The following ACACB variants were observed in gnomAD, a reference collection of about 807,000 sequenced individuals.
ACACB encodes the protein acetyl-CoA carboxylase beta, also known as acetyl-CoA carboxylase 2.
In ACACB, 209 loss-of-function variants were observed where a neutral mutation model predicts 278.8. The observed-to-expected ratio is 0.75, with a 90% confidence interval of 0.67 to 0.84. The LOEUF (loss-of-function observed/expected upper bound fraction) is 0.84, where lower values mean the gene tolerates loss of function less well. ACACB is among the 40% of genes least tolerant of loss of function. The probability of loss-of-function intolerance (pLI) is 0.00; values close to 1 mark genes in which losing one functional copy is unlikely to be tolerated. For missense variants in ACACB, 2,850 were observed against 3,269.0 expected (o/e 0.87, Z 3.13); for synonymous variants, 1,174 against 1,285.6 (o/e 0.91, Z 1.86).
At position 109,259,115 on chromosome 12, in the gene ACACB, C is replaced by T. The variant is rs2136822283; in HGVS notation, c.6496+7C>T. 3 of 1,613,504 alleles carry T rather than the reference C, an allele frequency of 1.9e-6. No individual in the cohort carries two copies. Among genetic ancestry groups the T allele is most frequent in the South Asian group, 1.1e-5 (1 of 91,028 alleles). ...TTCTCCGGTGGCATGAAAGGTAAGCCCCTCCCTGCCTATGTTACCCCAAAG... is the reference window on the plus strand; with the variant it reads ...TTCTCCGGTGGCATGAAAGGTAAGCTCCTCCCTGCCTATGTTACCCCAAAG... On this transcript the variant is annotated splice_region_variant and intron_variant, in intron 47 of 52. Coordinates refer to ENST00000338432, the MANE Select transcript of ACACB (RefSeq NM_001093.4).
chr12:109,216,290 C>T (rs952437601), intron 22 of ACACB, among the ~76,000 whole-genome samples: 2 of 147,540 alleles, frequency 1.4e-5, no homozygotes, highest in South Asian at 2.1e-4. Context: ...GGTGCGATCT[C>T]GGCTCACTGC....
At chr12:109,191,501 AC>A (rs1038488421) in intron 13 of ACACB, 111 bp from the exon 14 acceptor site, 2 of 1,396,998 alleles carry the variant, frequency 1.4e-6, no homozygotes, top group African/African-American at 1.4e-5. Context: ...GGCGTGAGCC[AC>A]CACACCCGGC....
At chr12:109,166,615 A>G (rs34281) in intron 2 of ACACB, among the ~76,000 whole-genome samples, 115,215 of 136,708 alleles carry the variant, frequency 0.84, 49,033 homozygotes, top group Non-Finnish European at 0.9. Context: ...GCACCACTGC[A>G]TACTAGCCTA....
chr12:109,112,227 A>G (rs2042313317), upstream of ACACB, among the ~76,000 whole-genome samples: 1 of 149,066 alleles, frequency 6.7e-6, no homozygotes, highest in South Asian at 2.1e-4. Flanking sequence ...TATTGAATAT[A>G]TATGTATATA....
chr12:109,191,225 T>A (rs1016988023), intron 13 of ACACB, among the ~76,000 whole-genome samples: 1 of 151,216 alleles, frequency 6.6e-6, no homozygotes, highest in African/African-American at 2.4e-5. Context: ...CTTTTTTTTT[T>A]TTTTTGGAGA....
At position 109,221,894 on chromosome 12, in the gene ACACB, T is replaced by TC. The variant is rs372053398; in HGVS notation, c.3565-613_3565-612insC. The stretch of plus-strand genomic sequence containing the variant: ...AATCACTGACCTTTTTTTTTTTTTT[T>TC]GGGGGGGAGACAGAGTCTGGCTCTG... On this transcript the variant is annotated intron_variant, in intron 24 of 52. Transcript: ENST00000338432. Among the ~76,000 whole-genome samples the TC allele has an allele frequency of 2.3e-3, 298 of 128,304 alleles. 1 individual carries two copies. The highest frequency in any genetic ancestry group is 9.0e-3 in the African/African-American group (287 of 32,000). The allele number at this position is 128,304 out of a possible 152,430, so 84.2% of individuals were successfully genotyped here.
At chr12:109,255,639 C>T (rs1015120992) in intron 44 of ACACB, among the ~76,000 whole-genome samples, 1 of 152,228 alleles carries the variant, frequency 6.6e-6, no homozygotes, top group Admixed American at 6.5e-5. Context: ...GTCATCATTT[C>T]TTCCCCACCA....
At chr12:109,154,131 A>T (rs1466348488) in intron 2 of ACACB, among the ~76,000 whole-genome samples, 1 of 152,232 alleles carries the variant, frequency 6.6e-6, no homozygotes, top group Non-Finnish European at 1.5e-5. Flanking sequence ...GCACTTAGTA[A>T]ATGTTAGTCT....
chr12:109,159,202 G>A (rs185052310), intron 2 of ACACB, among the ~76,000 whole-genome samples: 37 of 152,308 alleles, frequency 2.4e-4, no homozygotes, highest in Admixed American at 1.3e-3. Context: ...CTGTTTGAAC[G>A]ATATCAACCT....
Position 109,175,945 on chromosome 12 carries a change from T to A in ACACB, c.1231T>A (p.Trp411Arg), listed in dbSNP as rs1285141316. 1.2e-6 allele frequency: 2 copies of A among 1,613,866 alleles called. No homozygotes were observed. Among genetic ancestry groups the A allele is most frequent in the Non-Finnish European group, 1.7e-6 (2 of 1,179,964 alleles). ...TGACTCTCCAGGCCTGACAGTGGAG[T>A]GGACAGAAGATGATCTGCAGCAGGG... ...PWSGSGLTVE[W>R]TEDDLQQGKR... The change falls in exon 8 of 53, where the codon TGG (tryptophan) becomes AGG (arginine). Residue 411 changes from tryptophan (W) to arginine (R), a missense_variant. By Grantham distance (101) the Trp-to-Arg change is moderately radical. This residue lies in a region of ACACB where 2,265 missense variants were observed against 2,561.3 expected (regional missense o/e 0.88). Coordinates refer to ENST00000338432, the MANE Select transcript of ACACB (RefSeq NM_001093.4).
chr12:109,168,294 T>C (rs2043989104), intron 4 of ACACB, among the ~76,000 whole-genome samples: 3 of 152,232 alleles, frequency 2.0e-5, no homozygotes, highest in Admixed American at 6.5e-5. Flanking sequence ...TTCTAGCAGA[T>C]TGGGGGCTGT....
chr12:109,133,422 G>A (rs1342256941), intron 1 of ACACB, among the ~76,000 whole-genome samples: 1 of 151,946 alleles, frequency 6.6e-6, no homozygotes, highest in African/African-American at 2.4e-5. Flanking sequence ...GTGGAGACGG[G>A]GTTTCGCCAT....
chr12:109,139,763 A>G lies in ACACB; in HGVS notation c.358A>G (p.Thr120Ala). The change falls in exon 2 of 53, where the codon ACT becomes GCT. Residue 120 changes from threonine to alanine, a missense_variant. Physicochemically the swap from Thr to Ala is moderately conservative, Grantham distance 58. Transcript: ENST00000338432. ...APSPELQANG[T>A]GTQGLEATDT... is the part of the protein sequence containing the mutation. ...CTCCCCAGAGCTTCAAGCCAACGGG[A>G]CTGGGACACAAGGTCTGGAGGCCAC... 1 of 1,614,156 alleles carries G rather than the reference A, an allele frequency of 6.2e-7. No individual in the cohort carries two copies. Among genetic ancestry groups the G allele is most frequent in the Non-Finnish European group, 8.5e-7 (1 of 1,180,036 alleles).
chr12:109,181,840 C>CTTTTTTTTTTTTTTTTTTTTTTTTTTT (rs34174568), intron 11 of ACACB, among the ~76,000 whole-genome samples: 1 of 81,550 alleles, frequency 1.2e-5, no homozygotes. Context: ...TTTTCCTTTC[C>CTTTTTTTTTTTTTTTTTTTTTTTTTTT]TTTTTTTTTT....
intron 26 of ACACB, 142 bp downstream of exon 26, chr12:109,223,054 A>G (rs1043258842): frequency 3.5e-5 from 25 of 704,852 alleles, no homozygotes; most frequent in African/African-American, 1.8e-4. Flanking sequence ...GTTCAGCCCA[A>G]TGTGGCCAGG....
In ACACB at chr12:109,259,046, A is replaced by G. The variant is rs759521668; in HGVS notation, c.6434A>G (p.Asn2145Ser). 7 of 1,614,078 alleles carry G rather than the reference A, an allele frequency of 4.3e-6. No individual in the cohort carries two copies. Among genetic ancestry groups the G allele is most frequent in the East Asian group, 2.2e-5 (1 of 44,872 alleles). The change falls in exon 47 of 53, where the codon AAC becomes AGC. Residue 2145 changes from asparagine (N) to serine (S), a missense_variant. Asn to Ser is a conservative substitution (Grantham distance 46). Coordinates refer to ENST00000338432, the MANE Select transcript of ACACB (RefSeq NM_001093.4). ...ACCGCCCAGGCCGTCAAGGACTTCA[A>G]CCGGGAGAAGTTGCCCCTGATGATC... The part of the protein sequence containing the change: ...YKTAQAVKDF[N>S]REKLPLMIFA...
At position 109,245,756 on chromosome 12, in the gene ACACB, C is replaced by G. The variant is rs375637951; in HGVS notation, c.5301+8C>G. The G allele has an allele frequency of 1.2e-6, 2 of 1,613,434 alleles. No homozygotes were observed. The highest frequency in any genetic ancestry group is 3.3e-5 in the Admixed American group (2 of 59,864). On this transcript the variant is annotated splice_region_variant and intron_variant, in intron 38 of 52. Transcript: ENST00000338432. ...CTTCCTGGTGGAAATGAGGTAATAG[C>G]TCAGCGGAGCCTAACCCCTGGCTGG... is the stretch of plus-strand genomic sequence containing the variant.
rs780115048 is a variant in ACACB, at chr12:109,201,609, C to T, written c.2821C>T (p.Arg941Trp). Residue 941 changes from arginine (R) to tryptophan (W), a missense_variant, in exon 19 of 53, where the codon CGG (arginine) becomes TGG (tryptophan). Arg to Trp is a moderately radical substitution (Grantham distance 101). Coordinates refer to ENST00000338432, the MANE Select transcript of ACACB (RefSeq NM_001093.4). ...IMTLNVQERG[R>W]VKYIKRPGAV... ...GACCCTGAACGTTCAGGAAAGAGGC[C>T]GGGTGAAGTACATCAAGCGTCCAGG... 5.6e-6 allele frequency: 9 copies of T among 1,614,018 alleles called. No individual in the cohort carries two copies. The highest frequency in any genetic ancestry group is 4.0e-5 in the African/African-American group (3 of 74,910).
At chr12:109,265,037 C>A in intron 50 of ACACB, 73 bp from the exon 51 acceptor site, 1 of 1,512,486 alleles carries the variant, frequency 6.6e-7, no homozygotes, top group Admixed American at 2.0e-5. Context: ...CAGCCACTGT[C>A]ATGGGTGTGG....
Sources: allele counts gnomAD v4.1 joint callset (sites outside exome capture counted in the v4.1 genomes callset), GRCh38; gene constraint gnomAD v4.1.1; regional missense constraint gnomAD v4.1.1; transcripts MANE v1.5; gene names NCBI Gene and HGNC (gene_info 2026-07-23, HGNC 2026-07-21).